The following PTPRS variants were observed in gnomAD, a reference collection of about 807,000 sequenced individuals.
The protein encoded by PTPRS is receptor-type tyrosine-protein phosphatase S.
In PTPRS, 63 loss-of-function variants were observed where a neutral mutation model predicts 215.3. The ratio of observed to expected loss-of-function variants is 0.29; its 90% CI spans 0.24 to 0.36. The LOEUF (loss-of-function observed/expected upper bound fraction) is 0.36. Ranked by LOEUF, PTPRS falls within the 10% of genes least tolerant of loss-of-function variation. The pLI is 1.00. For synonymous variants in PTPRS, 1,404 were observed against 1,191.4 expected, an observed-to-expected ratio of 1.18 and a Z score of -3.68; for missense variants, 2,258 against 2,825.8, an observed-to-expected ratio of 0.80 and a Z score of 4.56.
chr19:5,338,069 C>T lies in PTPRS; in HGVS notation c.-95+2595G>A, dbSNP rs2050562918. Among the ~76,000 whole-genome samples, 1 of 152,066 alleles carries T rather than the reference C, an allele frequency of 6.6e-6. No homozygotes were observed. The highest frequency in any genetic ancestry group is 2.4e-5 in the African/African-American group (1 of 41,430). The stretch of plus-strand genomic sequence containing the variant: ...CAGTAGCACCCTCCAGCGCCTCAGC[C>T]GGGCCACGCCAAAATGACCTGTCAC... On this transcript the variant is annotated intron_variant, in intron 1 of 37. Transcript: ENST00000262963. The surrounding 1 kb of genome is among the most constrained non-coding windows in gnomAD (Gnocchi z 4.2).
Position 5,229,553 on chromosome 19 carries a change from T to A in PTPRS, c.2287A>T (p.Met763Leu), listed in dbSNP as rs1442731364. 6 of 1,465,744 alleles carry A rather than the reference T, an allele frequency of 4.1e-6. No homozygotes were observed. The East Asian group carries it at 1.5e-4, about 37-fold the overall frequency. The allele number at this position is 1,465,744 out of a possible 1,614,324, so 90.8% of individuals were successfully genotyped here. ...IRGYQVHYVR[M>L]EGAEARGPPR... Reference sequence around the variant, plus strand: ...GGCCCGCGGGCCTCGGCGCCCTCCATGCGCACGTAGTGGACCTGGTAGCCG... The same window carrying A: ...GGCCCGCGGGCCTCGGCGCCCTCCAAGCGCACGTAGTGGACCTGGTAGCCG... The change falls in exon 15 of 38, where the codon ATG (methionine) becomes TTG (leucine). Residue 763 changes from methionine (M) to leucine (L), a missense_variant. Met to Leu is a conservative substitution (Grantham distance 15). Coordinates refer to ENST00000262963, the MANE Select transcript of PTPRS (RefSeq NM_002850.4).
intron 1 of PTPRS, among the ~76,000 whole-genome samples, chr19:5,310,757 G>A (rs920891535): frequency 2.0e-5 from 3 of 151,456 alleles, no homozygotes; most frequent in Non-Finnish European, 2.9e-5. Flanking sequence ...CCAGGCTGGA[G>A]TGCAGTGACG....
At chr19:5,225,551 G>GT (rs2042408814) in intron 17 of PTPRS, among the ~76,000 whole-genome samples, 176 bp downstream of exon 17, 1 of 151,598 alleles carries the variant, frequency 6.6e-6, no homozygotes, top group African/African-American at 2.4e-5. Flanking sequence ...GGGCGGGGGG[G>GT]GCCAAGCTGG....
intron 16 of PTPRS, among the ~76,000 whole-genome samples, chr19:5,226,676 G>A (rs1345358110): frequency 1.3e-5 from 2 of 152,150 alleles, no homozygotes; most frequent in Admixed American, 6.5e-5. Context: ...TTGAACCCAG[G>A]AGGCGGAGGT....
intron 16 of PTPRS, among the ~76,000 whole-genome samples, chr19:5,228,725 C>T (rs1441907875): frequency 6.6e-6 from 1 of 152,150 alleles, no homozygotes; most frequent in Non-Finnish European, 1.5e-5. Context: ...GAGAGGTAGT[C>T]CAGAGAGAGG....
chr19:5,211,569 T>C, intron 33 of PTPRS, 21 bp downstream of exon 33: 2 of 1,593,560 alleles, frequency 1.3e-6, no homozygotes, highest in Non-Finnish European at 1.7e-6. Context: ...GGCCCTGAGG[T>C]GGGAAAGGCA....
chr19:5,330,715 G>C (rs917893441), intron 1 of PTPRS, among the ~76,000 whole-genome samples: 2 of 152,204 alleles, frequency 1.3e-5, no homozygotes, highest in Admixed American at 1.3e-4. Flanking sequence ...CACAGCCAGG[G>C]AGGGTCTTTG....
chr19:5,339,536 AATT>A lies in PTPRS; in HGVS notation c.-95+1125_-95+1127del, dbSNP rs2050617272. 6.7e-6 allele frequency among the ~76,000 whole-genome samples: 1 copy of A among 148,314 alleles called. No individual in the cohort carries two copies. Among genetic ancestry groups the A allele is most frequent in the Non-Finnish European group, 1.5e-5 (1 of 66,866 alleles). Reference sequence around the variant, plus strand: ...AGTTCCCCAATTTGGGAAGGGGGGGAATTGGTGGGAAATGTCCAGGATTTGTAG... The same window carrying A: ...AGTTCCCCAATTTGGGAAGGGGGGGAGGTGGGAAATGTCCAGGATTTGTAG... On this transcript the variant is annotated intron_variant, in intron 1 of 37. Coordinates refer to ENST00000262963, the MANE Select transcript of PTPRS (RefSeq NM_002850.4). The surrounding 1 kb of genome is among the most constrained non-coding windows in gnomAD (Gnocchi z 4.2).
intron 1 of PTPRS, among the ~76,000 whole-genome samples, chr19:5,292,061 T>C (rs1470816079): frequency 6.6e-6 from 1 of 152,148 alleles, no homozygotes; most frequent in Non-Finnish European, 1.5e-5. Context: ...GAAGCCCTCC[T>C]GGATGCCCCA....
Position 5,206,710 on chromosome 19 carries a change from G to T in PTPRS, c.*64C>A. 6.8e-7 allele frequency: 1 copy of T among 1,463,612 alleles called. No individual in the cohort carries two copies. 90.7% of individuals were successfully genotyped at this position (1,463,612 alleles called of 1,614,324 possible). A position where few individuals can be genotyped will look rare whatever the true frequency, so the allele number is the denominator to read the frequency against. ...CCACTGGGGGTCCAGGCCTCAGGAG[G>T]TCCGCCCGGGAGGGGCAGAGGCATC... On this transcript the variant is annotated 3_prime_UTR_variant, in exon 38 of 38. Coordinates refer to ENST00000262963, the MANE Select transcript of PTPRS (RefSeq NM_002850.4).
chr19:5,240,667 G>A (rs1419282541), intron 11 of PTPRS, among the ~76,000 whole-genome samples: 6 of 151,396 alleles, frequency 4.0e-5, no homozygotes, highest in African/African-American at 1.5e-4. Context: ...GTGAAACCTC[G>A]TCTCTACTAA....
At chr19:5,291,905 T>C (rs1600025658) in intron 1 of PTPRS, among the ~76,000 whole-genome samples, 1 of 151,138 alleles carries the variant, frequency 6.6e-6, no homozygotes, top group East Asian at 2.0e-4. Flanking sequence ...CCTTGACACC[T>C]TGATCCCCCC....
chr19:5,284,613 C>T (rs959889013), intron 2 of PTPRS, among the ~76,000 whole-genome samples: 1 of 151,952 alleles, frequency 6.6e-6, no homozygotes, highest in Non-Finnish European at 1.5e-5. Context: ...CATCAGGGTG[C>T]GGTGGCTGAT....
At chr19:5,223,484 G>A (rs1474750668) in intron 17 of PTPRS, among the ~76,000 whole-genome samples, 187 bp from the exon 18 acceptor site, 2 of 151,834 alleles carry the variant, frequency 1.3e-5, no homozygotes, top group East Asian at 3.9e-4. Context: ...TCGAACTCCT[G>A]GGCTCAAGTG....
chr19:5,218,972 C>T (rs2041739195), intron 23 of PTPRS, 174 bp from the exon 24 acceptor site: 1 of 706,390 alleles, frequency 1.4e-6, no homozygotes, highest in Admixed American at 3.0e-5. Context: ...TGCCTATCGA[C>T]ACCACAAGGA....
intron 16 of PTPRS, among the ~76,000 whole-genome samples, chr19:5,229,036 A>G (rs2042769225): frequency 6.6e-6 from 1 of 152,232 alleles, no homozygotes; most frequent in Admixed American, 6.5e-5. Context: ...GGCAGGAGCC[A>G]TCAGGGTGAG....
chr19:5,332,578 C>G (rs2050362470), intron 1 of PTPRS, among the ~76,000 whole-genome samples: 1 of 152,210 alleles, frequency 6.6e-6, no homozygotes, highest in Admixed American at 6.5e-5. Flanking sequence ...CCAGCCCTGA[C>G]AGGCGTTATG....
At chr19:5,279,839 T>TGCCCA (rs2047699714) in intron 2 of PTPRS, among the ~76,000 whole-genome samples, 1 of 152,050 alleles carries the variant, frequency 6.6e-6, no homozygotes, top group Admixed American at 6.6e-5. Context: ...CCCGCCACCA[T>TGCCCA]GCCTGGCTAA....
At chr19:5,306,337 G>A (rs2049492744) in intron 1 of PTPRS, among the ~76,000 whole-genome samples, 1 of 151,992 alleles carries the variant, frequency 6.6e-6, no homozygotes, top group South Asian at 2.1e-4. Flanking sequence ...TAGAGACGGG[G>A]TTTCACCATG....
Sources: allele counts gnomAD v4.1 joint callset (sites outside exome capture counted in the v4.1 genomes callset), GRCh38; gene constraint gnomAD v4.1.1; non-coding constraint Gnocchi (gnomAD v3.1); transcripts MANE v1.5; gene names NCBI Gene and HGNC (gene_info 2026-07-23, HGNC 2026-07-21).